Variants in JPH2 observed in about 807,000 individuals in gnomAD.
JPH2 encodes junctophilin 2.
Under a neutral mutation model 55.9 loss-of-function variants are expected in JPH2, and 38 were observed. The ratio of observed to expected loss-of-function variants is 0.68; its 90% CI spans 0.52 to 0.89. JPH2 has a LOEUF of 0.89. Among genes scored for constraint, JPH2 ranks in the 40% least tolerant of loss-of-function variants. The pLI is 0.00. For synonymous variants in JPH2, 480 were observed against 472.4 expected (o/e 1.02, Z -0.21); for missense variants, 964 against 1,037.6 (o/e 0.93, Z 0.97).
chr20:44,134,592 AAATATATATTTATTATAAATAT>A (rs1306875628), intron 2 of JPH2, among the ~76,000 whole-genome samples: 623 of 18,542 alleles, frequency 0.034, 73 homozygotes, highest in East Asian at 0.051. Context: ...AAATATATAT[AAATATATATTTATTATAAATAT>A]AATAAATATA....
At chr20:44,176,800 G>T (rs1477469196) in intron 1 of JPH2, 11 of 925,882 alleles carry the variant, frequency 1.2e-5, no homozygotes, top group Non-Finnish European at 1.4e-5. Flanking sequence ...TTAAAAAAAA[G>T]AAAAAGAAAA....
At position 44,107,526 on chromosome 20, in the gene JPH2, T is replaced by G. The variant is rs2072115683; in HGVS notation, c.*5992A>C. Among the ~76,000 whole-genome samples the G allele has an allele frequency of 6.6e-6, 1 of 152,176 alleles. No individual in the cohort carries two copies. The stretch of plus-strand genomic sequence containing the variant: ...GCAAATTCCATCCTCCATACTCTCT[T>G]TCCTTTTCCTTTGGCAGATGCAGAG... On this transcript the variant is annotated 3_prime_UTR_variant, in exon 6 of 6. Coordinates refer to ENST00000372980, the MANE Select transcript of JPH2 (RefSeq NM_020433.5).
At chr20:44,165,816 G>A (rs966744235) in intron 1 of JPH2, among the ~76,000 whole-genome samples, 16 of 152,210 alleles carry the variant, frequency 1.1e-4, no homozygotes, top group East Asian at 5.8e-4. Flanking sequence ...CCCTCTTGCC[G>A]TCTTCAAGCC....
intron 2 of JPH2, among the ~76,000 whole-genome samples, chr20:44,143,289 C>T (rs1385870364): frequency 1.3e-5 from 2 of 152,094 alleles, no homozygotes; most frequent in African/African-American, 4.8e-5. Flanking sequence ...GCAACACCCC[C>T]GGTGCCTGCC....
chr20:44,140,224 G>C (rs2072445652), intron 2 of JPH2, among the ~76,000 whole-genome samples: 1 of 152,146 alleles, frequency 6.6e-6, no homozygotes, highest in Non-Finnish European at 1.5e-5. Context: ...TCTTAGGGCA[G>C]GCTTTCTGCA....
chr20:44,142,710 G>A (rs1357493015), intron 2 of JPH2, among the ~76,000 whole-genome samples: 1 of 152,236 alleles, frequency 6.6e-6, no homozygotes, highest in Non-Finnish European at 1.5e-5. Flanking sequence ...CCAGCGGGAG[G>A]GCAAACATCA....
intron 2 of JPH2, among the ~76,000 whole-genome samples, chr20:44,157,457 G>A (rs867344772): frequency 5.3e-5 from 8 of 152,082 alleles, no homozygotes; most frequent in African/African-American, 1.9e-4. Context: ...CGCCCAGTCC[G>A]GCCTTCTTCC....
Position 44,116,144 on chromosome 20 carries a change from C to A in JPH2, c.1531G>T (p.Ala511Ser). 6 of 1,433,704 alleles carry A rather than the reference C, an allele frequency of 4.2e-6. No individual in the cohort carries two copies. The highest frequency in any genetic ancestry group is 2.8e-5 in the East Asian group (1 of 35,758). The allele number at this position is 1,433,704 out of a possible 1,614,324, so 88.8% of individuals were successfully genotyped here. The change falls in exon 4 of 6, where the codon GCC (alanine) becomes TCC (serine). Residue 511 changes from alanine to serine, a missense_variant. Physicochemically the swap from Ala to Ser is moderately conservative, Grantham distance 99. Transcript: ENST00000372980. ...TCACCGCTGGGCTCGCCGTTCCAGGCGCCTGGGCTCAGCAGGCCGTCCTTG... is the reference window on the plus strand; with the variant it reads ...TCACCGCTGGGCTCGCCGTTCCAGGAGCCTGGGCTCAGCAGGCCGTCCTTG... ...VSKDGLLSPGAWNGEPSGEGS... is the reference protein window; with the variant it reads ...VSKDGLLSPGSWNGEPSGEGS...
intron 2 of JPH2, among the ~76,000 whole-genome samples, chr20:44,127,487 CT>C (rs556108505): frequency 1.8e-3 from 259 of 140,778 alleles, no homozygotes; most frequent in Middle Eastern, 3.6e-3. Flanking sequence ...TATCATCCTT[CT>C]TTTTTTTTTT....
rs1569180563 is a variant in JPH2, at chr20:44,115,711, C to T, written c.1964G>A (p.Arg655Gln). 1.2e-6 allele frequency: 2 copies of T among 1,613,506 alleles called. No individual in the cohort carries two copies. The highest frequency in any genetic ancestry group is 2.7e-5 in the African/African-American group (2 of 75,042). Reference protein sequence around the residue: ...LTKAGAKKKARKEAALAAEAE... With the variant: ...LTKAGAKKKAQKEAALAAEAE... Reference sequence around the variant, plus strand: ...CTCTGCCGCCAGTGCGGCCTCCTTCCGCGCCTTCTTCTTGGCCCCCGCCTT... The same window carrying T: ...CTCTGCCGCCAGTGCGGCCTCCTTCTGCGCCTTCTTCTTGGCCCCCGCCTT... Residue 655 changes from arginine to glutamine, a missense_variant, in exon 4 of 6, where the codon CGG (arginine) becomes CAG (glutamine). Arg to Gln is a conservative substitution (Grantham distance 43). Transcript: ENST00000372980.
Position 44,132,355 on chromosome 20 carries a change from G to GACACACAC in JPH2, c.1170-13740_1170-13733dup, listed in dbSNP as rs749014190. ...GAGGTGGAAGGGAGGCAGACAGACA[G>GACACACAC]ACACACACACACACACACACACACA... On this transcript the variant is annotated intron_variant, in intron 2 of 5. Coordinates refer to ENST00000372980, the MANE Select transcript of JPH2 (RefSeq NM_020433.5). 1.3e-3 allele frequency among the ~76,000 whole-genome samples: 130 copies of GACACACAC among 101,270 alleles called. 2 individuals carry two copies. The highest frequency in any genetic ancestry group is 1.8e-3 in the Non-Finnish European group (85 of 47,382). 66.4% of individuals were successfully genotyped at this position (101,270 alleles called of 152,430 possible).
Position 44,108,632 on chromosome 20 carries a change from C to CAAAAAA in JPH2, c.*4880_*4885dup, listed in dbSNP as rs10630926. On this transcript the variant is annotated 3_prime_UTR_variant, in exon 6 of 6. Coordinates refer to ENST00000372980, the MANE Select transcript of JPH2 (RefSeq NM_020433.5). ...TGGGTGACAGAATGAGACTCTGTCT[C>CAAAAAA]AAAAAAAAAAAAAAAGAAAAGAGGA... 7.6e-4 allele frequency among the ~76,000 whole-genome samples: 96 copies of CAAAAAA among 127,052 alleles called. No homozygotes were observed. Among genetic ancestry groups the CAAAAAA allele is most frequent in the African/African-American group, 1.3e-3 (47 of 35,566 alleles). 83.4% of individuals were successfully genotyped at this position (127,052 alleles called of 152,430 possible).
In JPH2 at chr20:44,123,036, C is replaced by G. The variant is rs568285525; in HGVS notation, c.1170-4413G>C. ...AGGACTCCTCAGGCAGGAAAGGCAGCCTCTCCCCACAGCCCTGGAAGATTC... is the reference window on the plus strand; with the variant it reads ...AGGACTCCTCAGGCAGGAAAGGCAGGCTCTCCCCACAGCCCTGGAAGATTC... On this transcript the variant is annotated intron_variant, in intron 2 of 5. Transcript: ENST00000372980. 3.9e-5 allele frequency among the ~76,000 whole-genome samples: 6 copies of G among 152,272 alleles called. No homozygotes were observed. In the South Asian group the frequency reaches 1.2e-3, roughly 32 times the overall value.
Position 44,133,905 on chromosome 20 carries a change from TAA to T in JPH2, c.1170-15284_1170-15283del, listed in dbSNP as rs563420307. ...TATATTTATTATAAATATATATAAA[TAA>T]ATATACATTATAATATATAAATATA... On this transcript the variant is annotated intron_variant, in intron 2 of 5. Transcript: ENST00000372980. 7.6e-3 allele frequency among the ~76,000 whole-genome samples: 374 copies of T among 49,462 alleles called. 6 individuals are homozygous for T. The highest frequency in any genetic ancestry group is 0.035 in the Middle Eastern group (4 of 114). 32.4% of individuals were successfully genotyped at this position (49,462 alleles called of 152,430 possible).
At chr20:44,116,481 G>T in intron 3 of JPH2, 95 bp from the exon 4 acceptor site, 1 of 1,411,878 alleles carries the variant, frequency 7.1e-7, no homozygotes, top group Admixed American at 2.0e-5. Context: ...TCATTCATGG[G>T]CTCAGTCGGC....
intron 2 of JPH2, among the ~76,000 whole-genome samples, chr20:44,127,120 T>C (rs1250732814): frequency 1.3e-5 from 2 of 152,248 alleles, no homozygotes; most frequent in Non-Finnish European, 2.9e-5. Context: ...TCACCCACAT[T>C]GTAGCATGCA....
At position 44,115,895 on chromosome 20, in the gene JPH2, A is replaced by C; in HGVS notation, c.1780T>G (p.Ser594Ala). The change falls in exon 4 of 6, where the codon TCC becomes GCC. Residue 594 changes from serine to alanine, a missense_variant. Ser to Ala is a moderately conservative substitution (Grantham distance 99). Transcript: ENST00000372980. ...GCGGTGGCCGGGGACGAGGGCGCGG[A>C]CTCGGACCCGGAGACCTCGGGCTCG... ...QPEPEVSGSE[S>A]APSSPATAPL... 6.3e-7 allele frequency: 1 copy of C among 1,576,066 alleles called. No individual in the cohort carries two copies.
chr20:44,124,469 C>G (rs1449727743), intron 2 of JPH2, among the ~76,000 whole-genome samples: 1 of 152,018 alleles, frequency 6.6e-6, no homozygotes, highest in Admixed American at 6.6e-5. Flanking sequence ...CTACTATGTG[C>G]TAGGCACTTT....
intron 1 of JPH2, among the ~76,000 whole-genome samples, chr20:44,178,894 A>C (rs1014690309): frequency 6.6e-6 from 1 of 152,220 alleles, no homozygotes; most frequent in Non-Finnish European, 1.5e-5. Context: ...AACATGTATC[A>C]CAGGCCCAGA....
Sources: allele counts gnomAD v4.1 joint callset (sites outside exome capture counted in the v4.1 genomes callset), GRCh38; gene constraint gnomAD v4.1.1; transcripts MANE v1.5; gene names NCBI Gene and HGNC (gene_info 2026-07-23, HGNC 2026-07-21).